Variants in EDA observed in about 807,000 individuals in gnomAD.
EDA encodes the protein ectodysplasin-A.
In EDA, 2 loss-of-function variants were observed where a neutral mutation model predicts 23.6. The observed-to-expected ratio is 0.08, with a 90% confidence interval of 0.03 to 0.27. The LOEUF (loss-of-function observed/expected upper bound fraction) is 0.27. Ranked by LOEUF, EDA falls within the 10% of genes least tolerant of loss-of-function variation. The pLI is 1.00. For synonymous variants in EDA, 131 were observed against 132.0 expected, an observed-to-expected ratio of 0.99 and a Z score of 0.05; for missense variants, 229 against 324.2, an observed-to-expected ratio of 0.71 and a Z score of 2.26.
At chrX:69,782,366 TAAA>T (rs751293381) in intron 1 of EDA, among the ~76,000 whole-genome samples, 5 of 65,456 alleles carry the variant, frequency 7.6e-5, no homozygotes, top group African/African-American at 3.1e-4. Context: ...TAAATGCTCT[TAAA>T]AAAAAAAAAA....
At chrX:69,633,576 A>G (rs1041019972) in intron 1 of EDA, among the ~76,000 whole-genome samples, 1 of 111,819 alleles carries the variant, frequency 8.9e-6, no homozygotes, top group Non-Finnish European at 1.9e-5. Flanking sequence ...GGATTTACCT[A>G]TGCTGGACAT....
At chrX:69,711,878 CTCTCT>C (rs889744951) in intron 1 of EDA, among the ~76,000 whole-genome samples, 4 of 111,032 alleles carry the variant, frequency 3.6e-5, no homozygotes, top group African/African-American at 1.3e-4. Flanking sequence ...TTTGATTCTT[CTCTCT>C]TCTCTTCTTT....
intron 1 of EDA, among the ~76,000 whole-genome samples, chrX:69,705,381 G>C (rs1204329628): frequency 9.0e-6 from 1 of 111,674 alleles, no homozygotes; most frequent in African/African-American, 3.2e-5. Context: ...GAGAAGGCCA[G>C]AAGTCCATCG....
At chrX:69,988,465 A>G (rs1467856853) in intron 2 of EDA, among the ~76,000 whole-genome samples, 3 of 112,390 alleles carry the variant, frequency 2.7e-5, no homozygotes, top group Non-Finnish European at 5.6e-5. Flanking sequence ...CCATGACATG[A>G]TTGTTTCACA....
chrX:69,658,138 A>G (rs2147251568), intron 1 of EDA, among the ~76,000 whole-genome samples: 1 of 109,094 alleles, frequency 9.2e-6, no homozygotes, highest in East Asian at 2.9e-4. Flanking sequence ...TCATCTCTGA[A>G]TTCCTTTAGT....
At chrX:69,971,029 C>T (rs187256506) in intron 2 of EDA, among the ~76,000 whole-genome samples, 1 of 112,076 alleles carries the variant, frequency 8.9e-6, no homozygotes, top group Non-Finnish European at 1.9e-5. Context: ...ATATGCTAAA[C>T]ATAAAAATGA....
chrX:69,681,784 G>A (rs796133480), intron 1 of EDA, among the ~76,000 whole-genome samples: 4 of 111,124 alleles, frequency 3.6e-5, no homozygotes, highest in South Asian at 3.8e-4. Context: ...CCTGTAGCTC[G>A]GAGTAATTTG....
intron 1 of EDA, among the ~76,000 whole-genome samples, chrX:69,785,341 T>C (rs374459204): frequency 0.097 from 6,555 of 67,562 alleles, 539 homozygotes; most frequent in Middle Eastern, 0.26. Context: ...TGAATAGGAG[T>C]GGTGAGAGAG....
chrX:69,616,278 G>A lies in EDA; in HGVS notation c.-31G>A, dbSNP rs1461257007. The A allele has an allele frequency of 8.6e-7, 1 of 1,164,541 alleles. No individual in the cohort carries two copies. The highest frequency in any genetic ancestry group is 1.1e-6 in the Non-Finnish European group (1 of 877,310). ...GCTGAGGCAGACGCAGCGGCTCCCG[G>A]GCCTCAAGAGAGTGGGTGTCTCCGG... On this transcript the variant is annotated 5_prime_UTR_variant, in exon 1 of 8. Coordinates refer to ENST00000374552, the MANE Select transcript of EDA (RefSeq NM_001399.5).
intron 1 of EDA, among the ~76,000 whole-genome samples, chrX:69,712,336 A>T (rs1451023099): frequency 3.6e-5 from 4 of 111,899 alleles, no homozygotes; most frequent in Non-Finnish European, 7.5e-5. Context: ...TAGTATATAT[A>T]GATGCAGTTC....
chrX:69,744,249 A>G (rs2013547630), intron 1 of EDA, among the ~76,000 whole-genome samples: 1 of 111,855 alleles, frequency 8.9e-6, no homozygotes, highest in Non-Finnish European at 1.9e-5. Context: ...TCTCATTTTA[A>G]TCATCACAGA....
intron 1 of EDA, chrX:69,937,052 C>T (rs1236573890): frequency 1.3e-5 from 6 of 476,101 alleles, no homozygotes; most frequent in Admixed American, 1.1e-4. Context: ...CATGAAAGGG[C>T]GGGGGGAAGG....
Position 70,033,473 on chromosome X carries a change from G to A in EDA, c.869G>A (p.Ser290Asn). Residue 290 changes from serine to asparagine, a missense_variant, in exon 7 of 8, where the codon AGC (serine) becomes AAC (asparagine). Around this residue, in one of 2 missense-constraint regions of EDA, gnomAD observed 175 missense variants for 281.8 expected, o/e 0.62. Transcript: ENST00000374552. ...NPKVFKLHPR[S>N]GELEVLVDGT... ...AAGGTGTTTAAGCTACATCCCCGCAGCGGGGAGCTGGAGGTACTGGTGGAC... is the reference window on the plus strand; with the variant it reads ...AAGGTGTTTAAGCTACATCCCCGCAACGGGGAGCTGGAGGTACTGGTGGAC... The A allele has an allele frequency of 8.3e-7, 1 of 1,211,926 alleles. No homozygotes were observed. The highest frequency in any genetic ancestry group is 1.7e-5 in the African/African-American group (1 of 57,837).
chrX:69,939,882 A>G (rs2018732034), intron 1 of EDA, among the ~76,000 whole-genome samples: 1 of 112,249 alleles, frequency 8.9e-6, no homozygotes, highest in Non-Finnish European at 1.9e-5. Context: ...GATATGATGT[A>G]TCACATTGAT....
At chrX:69,921,502 C>A (rs970707260) in intron 1 of EDA, among the ~76,000 whole-genome samples, 1 of 110,623 alleles carries the variant, frequency 9.0e-6, no homozygotes, top group Non-Finnish European at 1.9e-5. Context: ...CTCCTGCTTG[C>A]GTGTAACTTC....
At chrX:69,729,649 A>G (rs762754871) in intron 1 of EDA, among the ~76,000 whole-genome samples, 1 of 111,832 alleles carries the variant, frequency 8.9e-6, no homozygotes, top group Non-Finnish European at 1.9e-5. Context: ...TTGGCTTCTC[A>G]TCTTACTGAA....
At chrX:69,826,838 C>T (rs1275518204) in intron 1 of EDA, among the ~76,000 whole-genome samples, 3 of 111,201 alleles carry the variant, frequency 2.7e-5, no homozygotes, top group African/African-American at 9.8e-5. Flanking sequence ...TGGCTGGAAC[C>T]GGTTGTTCCT....
chrX:69,790,997 A>G (rs2015390565), intron 1 of EDA, among the ~76,000 whole-genome samples: 1 of 111,973 alleles, frequency 8.9e-6, no homozygotes, highest in African/African-American at 3.2e-5. Context: ...AAGGGCATAT[A>G]TGCTTATAGT....
intron 1 of EDA, among the ~76,000 whole-genome samples, chrX:69,888,451 A>G (rs944014597): frequency 1.8e-5 from 2 of 109,237 alleles, no homozygotes; most frequent in African/African-American, 6.7e-5. Context: ...CCTATCAATA[A>G]TTACCTTGAA....
Sources: gnomAD v4.1 joint callset for allele counts (sites outside exome capture counted in the v4.1 genomes callset) on GRCh38, gnomAD v4.1.1 for gene constraint, gnomAD v4.1.1 regional missense constraint, MANE v1.5 for transcripts, NCBI Gene and HGNC (gene_info 2026-07-23, HGNC 2026-07-21) for gene names.